Variants in SLC41A2 observed in about 807,000 individuals in gnomAD.
SLC41A2 encodes SLC41A1-like 1.
SLC41A2 carries 32 observed loss-of-function variants against 58.3 expected under a neutral mutation model. The observed-to-expected ratio is 0.55, with a 90% confidence interval of 0.41 to 0.74. The LOEUF is 0.74. Ranked by LOEUF, SLC41A2 falls within the 30% of genes least tolerant of loss-of-function variation. The pLI, the probability that SLC41A2 is intolerant of heterozygous loss-of-function variation, is 0.00. For synonymous variants in SLC41A2, 190 were observed against 235.0 expected (o/e 0.81, Z 1.75); for missense variants, 514 against 680.6 (o/e 0.76, Z 2.72).
In SLC41A2 at chr12:104,869,786, T is replaced by G. The variant is rs570827622; in HGVS notation, c.1028-3207A>C. Among the ~76,000 whole-genome samples, 11 of 152,320 alleles carry G rather than the reference T, an allele frequency of 7.2e-5. No homozygotes were observed. The East Asian group carries it at 2.1e-3, about 29-fold the overall frequency. The stretch of plus-strand genomic sequence containing the variant: ...AGATGCTACAAACATTTCTCTTTTT[T>G]GGATATACTGGTGTTTTATAGATGT... On this transcript the variant is annotated intron_variant, in intron 6 of 10. Coordinates refer to ENST00000258538, the MANE Select transcript of SLC41A2 (RefSeq NM_001352171.3).
intron 10 of SLC41A2, among the ~76,000 whole-genome samples, chr12:104,817,175 T>C (rs1187695669): frequency 1.3e-5 from 2 of 152,174 alleles, no homozygotes; most frequent in Non-Finnish European, 2.9e-5. Flanking sequence ...CCAGAAGTAT[T>C]TGTATACCTA....
intron 3 of SLC41A2, among the ~76,000 whole-genome samples, chr12:104,896,712 T>TA (rs1294596003): frequency 6.6e-6 from 1 of 152,176 alleles, no homozygotes; most frequent in Non-Finnish European, 1.5e-5. Flanking sequence ...AGGTAGGAGT[T>TA]AAAGAATGAG....
intron 2 of SLC41A2, among the ~76,000 whole-genome samples, chr12:104,918,628 G>GAAA (rs34865307): frequency 0.053 from 5,891 of 111,294 alleles, 264 homozygotes; most frequent in East Asian, 0.11. Context: ...GGAGATACAT[G>GAAA]AAAAAAAAAA....
chr12:104,808,002 C>G (rs2040994247), intron 10 of SLC41A2, among the ~76,000 whole-genome samples: 1 of 152,208 alleles, frequency 6.6e-6, no homozygotes, highest in African/African-American at 2.4e-5. Context: ...ACAATCATGT[C>G]ATCTGCAAAC....
At chr12:104,890,519 G>C (rs2044900201) in intron 4 of SLC41A2, among the ~76,000 whole-genome samples, 1 of 152,142 alleles carries the variant, frequency 6.6e-6, no homozygotes, top group African/African-American at 2.4e-5. Context: ...ATCATGGTGT[G>C]TATATATGTA....
chr12:104,952,233 A>G (rs76876599), intron 1 of SLC41A2, among the ~76,000 whole-genome samples: 1,891 of 152,306 alleles, frequency 0.012, 51 homozygotes, highest in African/African-American at 0.043. Flanking sequence ...GACTCTATCA[A>G]CGAAGATTTG....
At chr12:104,887,411 T>G (rs1366010643) in intron 5 of SLC41A2, among the ~76,000 whole-genome samples, 2 of 151,824 alleles carry the variant, frequency 1.3e-5, no homozygotes, top group Non-Finnish European at 3.0e-5. Flanking sequence ...AGCCCAGTGT[T>G]TTTTACTCTA....
intron 1 of SLC41A2, among the ~76,000 whole-genome samples, chr12:104,932,415 C>T (rs558004562): frequency 7.9e-5 from 12 of 151,820 alleles, no homozygotes; most frequent in Non-Finnish European, 5.9e-5. Context: ...TACTTGAGCC[C>T]AGGAGTTGGA....
At chr12:104,873,231 T>G (rs994730580) in intron 6 of SLC41A2, among the ~76,000 whole-genome samples, 5 of 152,166 alleles carry the variant, frequency 3.3e-5, no homozygotes, top group Non-Finnish European at 5.9e-5. Flanking sequence ...TTCGTTCCTA[T>G]GTATCTGACA....
At chr12:104,881,231 G>A (rs567006402) in intron 6 of SLC41A2, among the ~76,000 whole-genome samples, 16 of 151,846 alleles carry the variant, frequency 1.1e-4, no homozygotes, top group Non-Finnish European at 2.1e-4. Context: ...TCTTGCTAGC[G>A]GTCTATCAAT....
intron 10 of SLC41A2, among the ~76,000 whole-genome samples, chr12:104,827,877 G>A (rs2041902180): frequency 5.9e-5 from 9 of 152,154 alleles, no homozygotes. Flanking sequence ...CAGAAGTGCT[G>A]GGAAGGGCAT....
intron 6 of SLC41A2, among the ~76,000 whole-genome samples, chr12:104,877,570 CTTTTT>C (rs555140018): frequency 6.6e-6 from 1 of 152,050 alleles, no homozygotes; most frequent in Admixed American, 6.6e-5. Flanking sequence ...TTCCATTTTA[CTTTTT>C]TTATTTCTTG....
At position 104,928,581 on chromosome 12, in the gene SLC41A2, A is replaced by G. The variant is rs543009865; in HGVS notation, c.-54T>C. On this transcript the variant is annotated 5_prime_UTR_variant, in exon 2 of 11. Transcript: ENST00000258538. Reference sequence around the variant, plus strand: ...TTAGATCTCAAGCTTCGGGAACCACAGCAGATGAATCAGAACCGCACAAAC... The same window carrying G: ...TTAGATCTCAAGCTTCGGGAACCACGGCAGATGAATCAGAACCGCACAAAC... The G allele has an allele frequency of 3.4e-4, 408 of 1,207,008 alleles. No individual in the cohort carries two copies. The highest frequency in any genetic ancestry group is 4.4e-4 in the Non-Finnish European group (392 of 899,500). The allele number at this position is 1,207,008 out of a possible 1,614,324, so 74.8% of individuals were successfully genotyped here. A position where few individuals can be genotyped will look rare whatever the true frequency, so the allele number is the denominator to read the frequency against.
At chr12:104,880,788 G>C (rs935654095) in intron 6 of SLC41A2, among the ~76,000 whole-genome samples, 1 of 151,932 alleles carries the variant, frequency 6.6e-6, no homozygotes, top group African/African-American at 2.4e-5. Flanking sequence ...TTTTTTTGTT[G>C]TGTCTCTGCC....
intron 2 of SLC41A2, among the ~76,000 whole-genome samples, chr12:104,911,268 C>T (rs574774616): frequency 1.1e-3 from 161 of 152,278 alleles, no homozygotes; most frequent in African/African-American, 3.8e-3. Context: ...TATAACCCAA[C>T]CATATTGGGC....
chr12:104,948,351 G>A (rs750562110), intron 1 of SLC41A2, among the ~76,000 whole-genome samples: 9 of 152,050 alleles, frequency 5.9e-5, no homozygotes, highest in Non-Finnish European at 1.0e-4. Context: ...AAAAAGCACT[G>A]CTCCAAAGAA....
intron 6 of SLC41A2, among the ~76,000 whole-genome samples, chr12:104,883,486 C>T (rs2044492519): frequency 2.6e-5 from 4 of 152,128 alleles, no homozygotes; most frequent in Admixed American, 2.6e-4. Flanking sequence ...TGATGGTGAC[C>T]TACAGATGGG....
intron 8 of SLC41A2, among the ~76,000 whole-genome samples, chr12:104,851,144 CATGGTAAA>C (rs2042784144): frequency 6.6e-6 from 1 of 152,040 alleles, no homozygotes; most frequent in African/African-American, 2.4e-5. Context: ...AGTTTCTGGA[CATGGTAAA>C]GGCTTAAAAA....
At chr12:104,877,871 G>T (rs1013666432) in intron 6 of SLC41A2, among the ~76,000 whole-genome samples, 12 of 151,924 alleles carry the variant, frequency 7.9e-5, no homozygotes, top group African/African-American at 2.2e-4. Flanking sequence ...ATGGTAGCGT[G>T]TGCTTGTAGT....
Sources: gnomAD v4.1 joint callset for allele counts (sites outside exome capture counted in the v4.1 genomes callset) on GRCh38, gnomAD v4.1.1 for gene constraint, MANE v1.5 for transcripts, NCBI Gene and HGNC (gene_info 2026-07-23, HGNC 2026-07-21) for gene names.